DACH1: variants seen among roughly 807,000 people sequenced by gnomAD.
The protein encoded by DACH1 is dachshund family transcription factor 1.
In DACH1, 12 loss-of-function variants were observed where a neutral mutation model predicts 54.2. That is an observed-to-expected ratio of 0.22 (90% CI 0.14 to 0.36). The LOEUF (loss-of-function observed/expected upper bound fraction) is 0.36. Ranked by LOEUF, DACH1 falls within the 10% of genes least tolerant of loss-of-function variation. The pLI is 1.00. For missense variants in DACH1, 805 were observed against 929.8 expected (o/e 0.87, Z 1.75); for synonymous variants, 386 against 366.2 (o/e 1.05, Z -0.62).
At chr13:71,477,634 C>T (rs570873188) in intron 8 of DACH1, among the ~76,000 whole-genome samples, 78 of 152,188 alleles carry the variant, frequency 5.1e-4, no homozygotes, top group Non-Finnish European at 9.7e-4. Context: ...TACTGTTTCC[C>T]TTTCCAAAAA....
chr13:71,713,760 G>T (rs1172349778), intron 1 of DACH1, among the ~76,000 whole-genome samples: 1 of 152,020 alleles, frequency 6.6e-6, no homozygotes. Context: ...TCAATAAAAG[G>T]TGTATTAGAT....
chr13:71,725,808 G>T (rs1883444134), intron 1 of DACH1, among the ~76,000 whole-genome samples: 1 of 152,058 alleles, frequency 6.6e-6, no homozygotes, highest in East Asian at 1.9e-4. Flanking sequence ...ATGAGTGGAA[G>T]ATTTAAGGAA....
intron 2 of DACH1, among the ~76,000 whole-genome samples, chr13:71,645,236 C>T (rs1576617): frequency 0.08 from 12,144 of 152,076 alleles, 1,551 homozygotes; most frequent in African/African-American, 0.27. Context: ...TTATTTACTG[C>T]ATAATTTTGA....
intron 1 of DACH1, among the ~76,000 whole-genome samples, chr13:71,837,565 T>C (rs1278646135): frequency 6.6e-6 from 1 of 152,090 alleles, no homozygotes; most frequent in Non-Finnish European, 1.5e-5. Context: ...ACGGCTTATA[T>C]TCCTTTTCAA....
At chr13:71,754,241 C>A (rs1885047659) in intron 1 of DACH1, among the ~76,000 whole-genome samples, 1 of 152,148 alleles carries the variant, frequency 6.6e-6, no homozygotes, top group Non-Finnish European at 1.5e-5. Context: ...TGATCGTGCC[C>A]ATTTCCCTTC....
intron 6 of DACH1, among the ~76,000 whole-genome samples, chr13:71,552,575 A>T (rs1484768530): frequency 1.3e-5 from 2 of 151,496 alleles, no homozygotes; most frequent in Admixed American, 1.3e-4. Context: ...GCGTCAGTGG[A>T]CAAATGTGTG....
At chr13:71,764,623 T>A (rs899161224) in intron 1 of DACH1, among the ~76,000 whole-genome samples, 2 of 152,188 alleles carry the variant, frequency 1.3e-5, no homozygotes, top group Non-Finnish European at 2.9e-5. Context: ...AGGGTATAAG[T>A]CTCGTAAGTT....
intron 1 of DACH1, chr13:71,704,247 A>G: frequency 7.7e-6 from 2 of 260,648 alleles, no homozygotes; most frequent in Non-Finnish European, 1.5e-5. Context: ...GAGACAACAT[A>G]GAGTTGATCC....
chr13:71,851,859 G>C (rs905269613), intron 1 of DACH1, among the ~76,000 whole-genome samples: 1 of 152,086 alleles, frequency 6.6e-6, no homozygotes, highest in African/African-American at 2.4e-5. Flanking sequence ...TTTTTAGTTT[G>C]AGACCCCAGA....
rs879310195 is a variant in DACH1 at position 71,848,548 on chromosome 13, GT to G, written c.848+17373del. 3.5e-3 allele frequency among the ~76,000 whole-genome samples: 517 copies of G among 146,256 alleles called. 7 individuals are homozygous for G. Among genetic ancestry groups the G allele is most frequent in the Non-Finnish European group, 1.5e-3 (100 of 65,982 alleles). ...TTCTAAACAGAAAACAACTTTTTCAGTTTTTTTTTTTGGAAACACAGTCTCA... is the reference window on the plus strand; with the variant it reads ...TTCTAAACAGAAAACAACTTTTTCAGTTTTTTTTTTGGAAACACAGTCTCA... On this transcript the variant is annotated intron_variant, in intron 1 of 10. Transcript: ENST00000613252.
intron 1 of DACH1, among the ~76,000 whole-genome samples, chr13:71,745,412 A>G (rs527421780): frequency 6.6e-6 from 1 of 152,364 alleles, no homozygotes; most frequent in Admixed American, 6.5e-5. Context: ...AAAGGGAAGA[A>G]AAGCAATAAT....
At chr13:71,476,710 G>A (rs1412901468) in intron 8 of DACH1, among the ~76,000 whole-genome samples, 1 of 151,848 alleles carries the variant, frequency 6.6e-6, no homozygotes, top group Admixed American at 6.6e-5. Context: ...ATACATACTC[G>A]ATAAATAATA....
chr13:71,526,115 A>G (rs1317244800), intron 6 of DACH1, among the ~76,000 whole-genome samples: 1 of 152,196 alleles, frequency 6.6e-6, no homozygotes, highest in Non-Finnish European at 1.5e-5. Context: ...TTTCTACTGC[A>G]TTCTGTCAGC....
chr13:71,533,760 A>G (rs1305742866), intron 6 of DACH1, among the ~76,000 whole-genome samples: 1 of 148,350 alleles, frequency 6.7e-6, no homozygotes, highest in Non-Finnish European at 1.5e-5. Context: ...AGTGTGTGTC[A>G]CACACACAAA....
At chr13:71,444,315 T>G (rs1280677891) in intron 10 of DACH1, among the ~76,000 whole-genome samples, 2 of 152,172 alleles carry the variant, frequency 1.3e-5, no homozygotes, top group Non-Finnish European at 2.9e-5. Flanking sequence ...TAATTCTTAA[T>G]CCCTTAATTT....
At position 71,614,204 on chromosome 13, in the gene DACH1, T is replaced by C. The variant is rs1402802886; in HGVS notation, c.1126+16352A>G. Among the ~76,000 whole-genome samples the C allele has an allele frequency of 2.0e-5, 3 of 152,140 alleles. No homozygotes were observed. The East Asian group carries it at 5.8e-4, about 29-fold the overall frequency. On this transcript the variant is annotated intron_variant, in intron 3 of 10. Transcript: ENST00000613252. Reference sequence around the variant, plus strand: ...GGGGAGAGTATATTACCACTAACTATAGAATTTAACCATTGGACTGCATAA... The same window carrying C: ...GGGGAGAGTATATTACCACTAACTACAGAATTTAACCATTGGACTGCATAA...
At chr13:71,519,308 G>A (rs1881395841) in intron 6 of DACH1, among the ~76,000 whole-genome samples, 1 of 151,692 alleles carries the variant, frequency 6.6e-6, no homozygotes, top group African/African-American at 2.4e-5. Flanking sequence ...TTCTATGACG[G>A]GAAATAGTAT....
At chr13:71,783,248 A>T (rs1375551887) in intron 1 of DACH1, among the ~76,000 whole-genome samples, 3 of 152,208 alleles carry the variant, frequency 2.0e-5, no homozygotes, top group Non-Finnish European at 4.4e-5. Flanking sequence ...ATAAAACAAT[A>T]AAAGGCAACT....
At chr13:71,801,150 CTT>C (rs201991653) in intron 1 of DACH1, among the ~76,000 whole-genome samples, 4,092 of 152,244 alleles carry the variant, frequency 0.027, 81 homozygotes, top group South Asian at 0.048. Context: ...AGGCTGAACT[CTT>C]TGCCTTATGT....
Sources: allele counts gnomAD v4.1 joint callset (sites outside exome capture counted in the v4.1 genomes callset), GRCh38; gene constraint gnomAD v4.1.1; transcripts MANE v1.5; gene names NCBI Gene and HGNC (gene_info 2026-07-23, HGNC 2026-07-21).